Variants in CFAP263 observed in about 807,000 individuals in gnomAD.
CFAP263 encodes the protein cilia and flagella associated protein 263.
the CFAP263 span, chr16:58,279,554 C>T: frequency 1.5e-6 from 1 of 669,180 alleles, no homozygotes; most frequent in Non-Finnish European, 2.5e-6. Flanking sequence ...ACACGCTGCC[C>T]CACACAGGGT....
At chr16:58,280,324 A>G in the CFAP263 span, 7 of 1,613,198 alleles carry the variant, frequency 4.3e-6, no homozygotes, top group Non-Finnish European at 5.9e-6. Flanking sequence ...ACCTTCCCCC[A>G]CCTCCCCACC....
At chr16:58,259,203 G>A in the CFAP263 span, among the ~76,000 whole-genome samples, 3 of 151,970 alleles carry the variant, frequency 2.0e-5, no homozygotes, top group African/African-American at 7.3e-5. Context: ...AGTAGGACAG[G>A]TAAATCTCTT....
At chr16:58,267,387 G>A in the CFAP263 span, 1 of 893,828 alleles carries the variant, frequency 1.1e-6, no homozygotes, top group Non-Finnish European at 1.8e-6. Context: ...GGATGGTCCT[G>A]CTTTTCTGTT....
the CFAP263 span, chr16:58,250,515 A>G: frequency 3.4e-4 from 55 of 160,034 alleles, 1 homozygote; most frequent in South Asian, 8.6e-3. Flanking sequence ...CTGTAATCTC[A>G]GCACTTTAGG....
chr16:58,262,283 A>G, the CFAP263 span: 6 of 1,088,320 alleles, frequency 5.5e-6, no homozygotes, highest in East Asian at 1.2e-4. Context: ...TGACTGAATG[A>G]TGACTGACCT....
chr16:58,262,415 G>A, the CFAP263 span: 2 of 1,612,790 alleles, frequency 1.2e-6, no homozygotes. Context: ...CCTTCACGAT[G>A]TTGATTTTCA....
At chr16:58,256,161 T>C in the CFAP263 span, among the ~76,000 whole-genome samples, 1 of 152,368 alleles carries the variant, frequency 6.6e-6, no homozygotes, top group South Asian at 2.1e-4. Context: ...ATGTCTCCCA[T>C]TGATGCAACC....
the CFAP263 span, among the ~76,000 whole-genome samples, chr16:58,256,852 G>T: frequency 7.2e-5 from 11 of 151,890 alleles, no homozygotes; most frequent in African/African-American, 9.7e-5. Context: ...GTGTGTGTGT[G>T]TGTTCTTATT....
the CFAP263 span, chr16:58,281,695 C>G: frequency 6.6e-6 from 1 of 152,276 alleles, no homozygotes. Flanking sequence ...ACATGTTGCT[C>G]TCGCAGTTTG....
At chr16:58,253,035 G>T in the CFAP263 span, among the ~76,000 whole-genome samples, 3 of 152,256 alleles carry the variant, frequency 2.0e-5, no homozygotes, top group African/African-American at 7.2e-5. Context: ...GAAAGAAACT[G>T]GGTTCAGTTA....
the CFAP263 span, among the ~76,000 whole-genome samples, chr16:58,263,654 C>T: frequency 1.3e-5 from 2 of 152,164 alleles, no homozygotes; most frequent in African/African-American, 4.8e-5. Flanking sequence ...TCAACATTTT[C>T]CTTTTACAAA....
chr16:58,253,911 A>G, the CFAP263 span: 1 of 1,421,940 alleles, frequency 7.0e-7, no homozygotes, highest in Non-Finnish European at 9.8e-7. Context: ...AACTTCTAGC[A>G]GGTCAGAGGA....
At chr16:58,262,112 C>A in the CFAP263 span, among the ~76,000 whole-genome samples, 8 of 151,876 alleles carry the variant, frequency 5.3e-5, no homozygotes, top group Non-Finnish European at 8.8e-5. Context: ...GCCCCCCGAA[C>A]AACACATCGC....
At chr16:58,254,083 A>C in the CFAP263 span, 1 of 1,614,244 alleles carries the variant, frequency 6.2e-7, no homozygotes, top group African/African-American at 1.3e-5. Context: ...GAGCTGGTAC[A>C]AAAAGAGGTT....
chr16:58,263,741 G>A, the CFAP263 span, among the ~76,000 whole-genome samples: 1 of 152,226 alleles, frequency 6.6e-6, no homozygotes, highest in East Asian at 1.9e-4. Flanking sequence ...ACTTTGGGAG[G>A]CCTAGGCAGG....
the CFAP263 span, among the ~76,000 whole-genome samples, chr16:58,270,695 A>G: frequency 1.3e-5 from 2 of 152,158 alleles, no homozygotes; most frequent in Admixed American, 6.5e-5. Context: ...CTTACCCAAT[A>G]TCATGAAGAT....
chr16:58,266,237 A>G, the CFAP263 span, among the ~76,000 whole-genome samples: 5 of 151,196 alleles, frequency 3.3e-5, no homozygotes, highest in Non-Finnish European at 5.9e-5. Flanking sequence ...CTTCACTTTG[A>G]CTGTGGCCCT....
At chr16:58,274,987 A>T in the CFAP263 span, among the ~76,000 whole-genome samples, 1 of 152,094 alleles carries the variant, frequency 6.6e-6, no homozygotes, top group African/African-American at 2.4e-5. Flanking sequence ...CTACTTCATT[A>T]TACTTATCTT....
At chr16:58,280,178 T>G in the CFAP263 span, 1 of 1,540,738 alleles carries the variant, frequency 6.5e-7, no homozygotes, top group South Asian at 1.2e-5. Flanking sequence ...TGCCTGGCAC[T>G]CAGCATTCTC....
Sources: allele counts gnomAD v4.1 joint callset (sites outside exome capture counted in the v4.1 genomes callset), GRCh38; gene constraint gnomAD v4.1.1; transcripts MANE v1.5; gene names NCBI Gene and HGNC (gene_info 2026-07-23, HGNC 2026-07-21).